RBFOX1: variants seen among roughly 807,000 people sequenced by gnomAD.
RBFOX1 encodes the protein RNA binding fox-1 homolog 1.
In RBFOX1, 8 loss-of-function variants were observed where a neutral mutation model predicts 57.7. The observed-to-expected ratio is 0.14, with a 90% CI of 0.08 to 0.25. The LOEUF (loss-of-function observed/expected upper bound fraction) is 0.25, where lower values mean the gene tolerates loss of function less well. Ranked by LOEUF, RBFOX1 falls within the 10% of genes least tolerant of loss-of-function variation. RBFOX1 has a pLI of 1.00. For synonymous variants in RBFOX1, 326 were observed against 222.4 expected, an observed-to-expected ratio of 1.47 and a Z score of -4.15; for missense variants, 611 against 548.5, an observed-to-expected ratio of 1.11 and a Z score of -1.14.
chr16:5,502,482 T>C (rs2043233478), intron 2 of RBFOX1, among the ~76,000 whole-genome samples: 1 of 152,168 alleles, frequency 6.6e-6, no homozygotes, highest in South Asian at 2.1e-4. Flanking sequence ...GTCCCTGTTC[T>C]GGAAGCCCCC....
intron 3 of RBFOX1, among the ~76,000 whole-genome samples, chr16:6,957,401 C>A (rs1286563511): frequency 6.7e-6 from 1 of 149,556 alleles, no homozygotes; most frequent in Admixed American, 6.6e-5. Context: ...GACTCACGCT[C>A]AGCCGGTTAT....
chr16:6,702,181 C>G (rs1348840973), intron 3 of RBFOX1, among the ~76,000 whole-genome samples: 2 of 152,176 alleles, frequency 1.3e-5, no homozygotes, highest in Non-Finnish European at 2.9e-5. Flanking sequence ...TCTGCTCTAC[C>G]ATGATCCAGA....
At chr16:5,810,517 C>G (rs1479067276) in intron 3 of RBFOX1, among the ~76,000 whole-genome samples, 1 of 152,144 alleles carries the variant, frequency 6.6e-6, no homozygotes, top group Non-Finnish European at 1.5e-5. Context: ...ACAGGCGATG[C>G]TCAGCTCAGC....
At chr16:5,900,831 T>C (rs149667162) in intron 4 of RBFOX1, among the ~76,000 whole-genome samples, 5 of 152,314 alleles carry the variant, frequency 3.3e-5, no homozygotes, top group African/African-American at 1.2e-4. Flanking sequence ...TCCAGGAAGC[T>C]GCAGGAGCTC....
At chr16:6,325,484 A>C (rs2082270889) in intron 2 of RBFOX1, among the ~76,000 whole-genome samples, 1 of 152,246 alleles carries the variant, frequency 6.6e-6, no homozygotes, top group African/African-American at 2.4e-5. Flanking sequence ...TTACCAACTG[A>C]AGAAAAACAG....
intron 4 of RBFOX1, among the ~76,000 whole-genome samples, chr16:7,083,857 C>A (rs111759749): frequency 6.6e-6 from 1 of 152,092 alleles, no homozygotes; most frequent in Non-Finnish European, 1.5e-5. Context: ...TCCCTTGGTT[C>A]TCTACCATCC....
chr16:7,195,143 G>A (rs2086382430), intron 4 of RBFOX1, among the ~76,000 whole-genome samples: 1 of 152,096 alleles, frequency 6.6e-6, no homozygotes, highest in South Asian at 2.1e-4. Flanking sequence ...CATGTTTTGT[G>A]CCTCATATTG....
At chr16:7,510,737 A>C (rs1053048564) in intron 4 of RBFOX1, among the ~76,000 whole-genome samples, 15 of 152,194 alleles carry the variant, frequency 9.9e-5, no homozygotes, top group African/African-American at 3.4e-4. Context: ...AAACTAAAGT[A>C]AAACAAACTG....
At chr16:5,716,035 G>A (rs897083541) in intron 3 of RBFOX1, among the ~76,000 whole-genome samples, 11 of 152,112 alleles carry the variant, frequency 7.2e-5, no homozygotes, top group African/African-American at 2.7e-4. Context: ...CAGGAATAAG[G>A]ATAATATTTT....
chr16:7,269,803 G>C (rs1400712475), intron 4 of RBFOX1, among the ~76,000 whole-genome samples: 1 of 152,178 alleles, frequency 6.6e-6, no homozygotes, highest in East Asian at 1.9e-4. Context: ...CGGAAGATAT[G>C]AGCATCTTTA....
At chr16:6,538,363 A>T (rs1050270098) in intron 2 of RBFOX1, among the ~76,000 whole-genome samples, 13 of 152,124 alleles carry the variant, frequency 8.5e-5, no homozygotes, top group African/African-American at 2.7e-4. Context: ...GTGGTGGCAC[A>T]CATCTGTGGT....
intron 4 of RBFOX1, among the ~76,000 whole-genome samples, chr16:5,881,212 G>A (rs920551172): frequency 6.6e-6 from 1 of 152,186 alleles, no homozygotes; most frequent in African/African-American, 2.4e-5. Context: ...ACTGTCTTCT[G>A]ATTCTAGTTG....
chr16:6,266,521 C>G (rs2074514193), intron 1 of RBFOX1, among the ~76,000 whole-genome samples: 1 of 152,036 alleles, frequency 6.6e-6, no homozygotes, highest in South Asian at 2.1e-4. Context: ...CGAGACCAGC[C>G]TGGCCAACAT....
chr16:7,147,925 A>G (rs1471250427), intron 4 of RBFOX1, among the ~76,000 whole-genome samples: 2 of 152,208 alleles, frequency 1.3e-5, no homozygotes, highest in African/African-American at 4.8e-5. Flanking sequence ...ACTAATTTAC[A>G]TTCTCACCAA....
chr16:6,455,249 A>G (rs1466977966), intron 2 of RBFOX1, among the ~76,000 whole-genome samples: 1 of 152,030 alleles, frequency 6.6e-6, no homozygotes, highest in African/African-American at 2.4e-5. Context: ...TTTTACCCTC[A>G]AGGAATCTTC....
intron 1 of RBFOX1, among the ~76,000 whole-genome samples, chr16:5,277,982 C>T (rs1179456939): frequency 3.3e-5 from 5 of 152,032 alleles, no homozygotes; most frequent in African/African-American, 7.2e-5. Context: ...ACAGGTATCC[C>T]GTTGATACAC....
At chr16:6,482,806 G>A (rs2095393046) in intron 2 of RBFOX1, among the ~76,000 whole-genome samples, 1 of 152,206 alleles carries the variant, frequency 6.6e-6, no homozygotes, top group African/African-American at 2.4e-5. Context: ...TCTAGGTGAA[G>A]CAGCATATTG....
intron 3 of RBFOX1, among the ~76,000 whole-genome samples, chr16:5,759,038 C>G (rs1321513686): frequency 6.6e-6 from 1 of 152,170 alleles, no homozygotes; most frequent in East Asian, 1.9e-4. Context: ...CATGAAACCT[C>G]CATTTGAACC....
intron 4 of RBFOX1, among the ~76,000 whole-genome samples, chr16:7,474,427 T>G (rs1294113793): frequency 6.6e-6 from 1 of 152,206 alleles, no homozygotes; most frequent in East Asian, 1.9e-4. Context: ...TATTCATGCT[T>G]CTAATGTTTT....
Sources: allele counts gnomAD v4.1 joint callset (sites outside exome capture counted in the v4.1 genomes callset), GRCh38; gene constraint gnomAD v4.1.1; transcripts MANE v1.5; gene names NCBI Gene and HGNC (gene_info 2026-07-23, HGNC 2026-07-21).